The following GOLGA8A variants were observed in gnomAD, a reference collection of about 807,000 sequenced individuals.
GOLGA8A encodes the protein golgin A8 family member A.
In GOLGA8A, 3 loss-of-function variants were observed where a neutral mutation model predicts 22.1. The observed-to-expected ratio is 0.14, with a 90% CI of 0.06 to 0.35. GOLGA8A has a LOEUF of 0.35. Among genes scored for constraint, GOLGA8A ranks in the 10% least tolerant of loss-of-function variants. The pLI is 1.00. For synonymous variants in GOLGA8A, 7 were observed against 91.7 expected (o/e 0.08, Z 5.28); for missense variants, 16 against 233.2 (o/e 0.07, Z 6.07).
At position 34,380,368 on chromosome 15, in the gene GOLGA8A, G is replaced by C. The variant is rs1229515903; in HGVS notation, c.*1043C>G. 4 of 152,180 alleles carry C rather than the reference G, an allele frequency of 2.6e-5. No individual in the cohort carries two copies. The highest frequency in any genetic ancestry group is 9.7e-5 in the African/African-American group (4 of 41,434). The allele number at this position is 152,180 out of a possible 1,614,324, so 9.4% of individuals were successfully genotyped here. ...GACTAGAGCCTGTATGCCTGTTTCA[G>C]AGACATTTAAACTCTTAAAGGATTT... On this transcript the variant is annotated 3_prime_UTR_variant, in exon 25 of 25. Transcript: ENST00000359187.
intron 2 of GOLGA8A, among the ~76,000 whole-genome samples, chr15:34,431,291 T>TTATATA (rs1228048903): frequency 1.2e-4 from 14 of 112,128 alleles, no homozygotes; most frequent in East Asian, 2.5e-4. Context: ...TGAAAAAAAA[T>TTATATA]TATATATATA....
rs554842793 is a variant in GOLGA8A, at chr15:34,400,976, A to C, written c.-574-217T>G. ...ATATAGCCATAGATTTTAAACCATT[A>C]CATCTTATCTAGATTCCATTAACAT... On this transcript the variant is annotated intron_variant, in intron 5 of 24. Transcript: ENST00000359187. Among the ~76,000 whole-genome samples, 450 of 89,270 alleles carry C rather than the reference A, an allele frequency of 5.0e-3. 7 individuals are homozygous for C. Among genetic ancestry groups the C allele is most frequent in the Non-Finnish European group, 9.5e-3 (359 of 37,702 alleles). 58.6% of individuals were successfully genotyped at this position (89,270 alleles called of 152,430 possible). A position where few individuals can be genotyped will look rare whatever the true frequency, so the allele number is the denominator to read the frequency against.
At chr15:34,437,170 T>C (rs1851732446) in intron 1 of GOLGA8A, among the ~76,000 whole-genome samples, 1 of 146,160 alleles carries the variant, frequency 6.8e-6, no homozygotes, top group Non-Finnish European at 1.5e-5. Context: ...CGCCCGCCCA[T>C]CGTGGGAGGA....
At chr15:34,428,935 C>T (rs866519686) in intron 2 of GOLGA8A, 5 of 146,556 alleles carry the variant, frequency 3.4e-5, no homozygotes, top group Non-Finnish European at 7.5e-5. Context: ...TAAAATAAAA[C>T]GTCTGCACTA....
intron 2 of GOLGA8A, among the ~76,000 whole-genome samples, chr15:34,428,162 C>T (rs80114334): frequency 0.08 from 11,593 of 145,810 alleles, 1,276 homozygotes; most frequent in East Asian, 0.16. Flanking sequence ...GACACCCTCA[C>T]AACTCACTGC....
intron 2 of GOLGA8A, among the ~76,000 whole-genome samples, chr15:34,424,426 C>T (rs1163829267): frequency 1.4e-5 from 2 of 141,214 alleles, no homozygotes; most frequent in Admixed American, 7.5e-5. Flanking sequence ...AATGATTCTC[C>T]AATAAAAAAA....
chr15:34,429,179 C>T lies in GOLGA8A; in HGVS notation c.-1123+6204G>A, dbSNP rs531163251. On this transcript the variant is annotated intron_variant, in intron 2 of 24. Coordinates refer to ENST00000359187, the MANE Select transcript of GOLGA8A (RefSeq NM_181077.5). The stretch of plus-strand genomic sequence containing the variant: ...AACACGCCCCTGACCGCGTCTTCCT[C>T]CCATGCTCTGAACTGTCCACTAGGG... Among the ~76,000 whole-genome samples the T allele has an allele frequency of 1.4e-3, 200 of 147,902 alleles. 7 individuals are homozygous for T. The highest frequency in any genetic ancestry group is 4.4e-3 in the African/African-American group (176 of 40,062).
intron 2 of GOLGA8A, chr15:34,420,213 G>A (rs1452100834): frequency 6.8e-6 from 1 of 146,480 alleles, no homozygotes; most frequent in East Asian, 2.1e-4. Flanking sequence ...GATTCTCCCA[G>A]AAGTTTTCCT....
intron 2 of GOLGA8A, chr15:34,428,560 C>G (rs1566912919): frequency 6.7e-6 from 1 of 148,910 alleles, no homozygotes; most frequent in African/African-American, 2.5e-5. Flanking sequence ...CACCTCCACA[C>G]CATGCTAGTG....
At position 34,421,528 on chromosome 15, in the gene GOLGA8A, C is replaced by T. The variant is rs574914619; in HGVS notation, c.-1122-13793G>A. Among the ~76,000 whole-genome samples the T allele has an allele frequency of 7.8e-5, 11 of 141,364 alleles. 3 individuals carry two copies. In the South Asian group the frequency reaches 2.6e-3, roughly 33 times the overall value. The allele number at this position is 141,364 out of a possible 152,430, so 92.7% of individuals were successfully genotyped here. On this transcript the variant is annotated intron_variant, in intron 2 of 24. Transcript: ENST00000359187. ...CCACACCAAGAATCCTAAAAGTTAA[C>T]GTACAGATTACTCGTTTTCAAGCAA...
At position 34,437,381 on chromosome 15, in the gene GOLGA8A, G is replaced by C. The variant is rs181675844; in HGVS notation, c.-1212+17C>G. 7.1e-6 allele frequency: 1 copy of C among 141,518 alleles called. No homozygotes were observed. Among genetic ancestry groups the C allele is most frequent in the African/African-American group, 2.6e-5 (1 of 38,466 alleles). The allele number at this position is 141,518 out of a possible 1,614,324, so 8.8% of individuals were successfully genotyped here. A position where few individuals can be genotyped will look rare whatever the true frequency, so the allele number is the denominator to read the frequency against. ...GCCGCCGCCAGCGAGTCAGGCAGCC[G>C]AGGTTCCCCAGCTTACCTGGCCAGG... On this transcript the variant is annotated intron_variant, in intron 1 of 24. Transcript: ENST00000359187.
At chr15:34,384,661 GTACA>G (rs1232495229) in intron 16 of GOLGA8A, among the ~76,000 whole-genome samples, 1 of 282 alleles carries the variant, frequency 3.5e-3, no homozygotes, top group Non-Finnish European at 7.9e-3. Context: ...ATCATACTAT[GTACA>G]CACACACACA....
rs1892028755 is a variant in GOLGA8A, at chr15:34,400,738, C to G, written c.-553G>C. The G allele has an allele frequency of 6.8e-6, 1 of 146,532 alleles. No individual in the cohort carries two copies. The highest frequency in any genetic ancestry group is 2.4e-5 in the African/African-American group (1 of 40,952). The allele number at this position is 146,532 out of a possible 1,614,324, so 9.1% of individuals were successfully genotyped here. A position where few individuals can be genotyped will look rare whatever the true frequency, so the allele number is the denominator to read the frequency against. On this transcript the variant is annotated 5_prime_UTR_variant, in exon 6 of 25. Transcript: ENST00000359187. ...GGATTCATACTTCAGGAAGACAACC[C>G]AGTTGACAACGACAACAGTTTCTAT...
At chr15:34,428,523 G>C (rs1424971590) in intron 2 of GOLGA8A, 2 of 149,106 alleles carry the variant, frequency 1.3e-5, no homozygotes, top group African/African-American at 2.5e-5. Flanking sequence ...AGCGGACGTG[G>C]GCCTCACGGG....
At chr15:34,427,918 C>T (rs1291338510) in intron 2 of GOLGA8A, among the ~76,000 whole-genome samples, 4 of 148,458 alleles carry the variant, frequency 2.7e-5, no homozygotes, top group Admixed American at 1.4e-4. Flanking sequence ...TCCCACTGCC[C>T]GATGTGTCAT....
At chr15:34,417,929 T>C (rs1423963703) in intron 2 of GOLGA8A, 17 of 140,896 alleles carry the variant, frequency 1.2e-4, no homozygotes, top group African/African-American at 4.2e-4. Context: ...AGAGGGGGTG[T>C]TACTAAACGT....
chr15:34,428,619 C>G (rs369392103), intron 2 of GOLGA8A: 1 of 147,658 alleles, frequency 6.8e-6, no homozygotes, highest in Non-Finnish European at 1.5e-5. Context: ...ACTTACCTAT[C>G]AAACAGGGAC....
In GOLGA8A at chr15:34,437,768, C is replaced by T. The variant is rs1255440610; in HGVS notation, c.-1582G>A. 6.7e-6 allele frequency among the ~76,000 whole-genome samples: 1 copy of T among 148,188 alleles called. No homozygotes were observed. Among genetic ancestry groups the T allele is most frequent in the Non-Finnish European group, 1.5e-5 (1 of 66,796 alleles). On this transcript the variant is annotated 5_prime_UTR_variant, in exon 1 of 25. Coordinates refer to ENST00000359187, the MANE Select transcript of GOLGA8A (RefSeq NM_181077.5). ...GAGCTCCCGCAGAGCTCGCGCCTAGCCGCACACCTCGACTGCTGATTAGCC... is the reference window on the plus strand; with the variant it reads ...GAGCTCCCGCAGAGCTCGCGCCTAGTCGCACACCTCGACTGCTGATTAGCC...
chr15:34,429,377 A>G (rs1893127955), intron 2 of GOLGA8A, among the ~76,000 whole-genome samples: 1 of 146,042 alleles, frequency 6.8e-6, no homozygotes, highest in African/African-American at 2.5e-5. Context: ...CACAAACTAC[A>G]TAATCCTGCT....
Sources: gnomAD v4.1 joint callset for allele counts (sites outside exome capture counted in the v4.1 genomes callset) on GRCh38, gnomAD v4.1.1 for gene constraint, MANE v1.5 for transcripts, NCBI Gene and HGNC (gene_info 2026-07-23, HGNC 2026-07-21) for gene names.